The following EEA1 variants were observed in gnomAD, a reference collection of about 807,000 sequenced individuals.
EEA1 encodes the protein early endosome antigen 1, also known as early endosome antigen 1, 162kD.
Under a neutral mutation model 209.2 loss-of-function variants are expected in EEA1, and 111 were observed. That is an observed-to-expected ratio of 0.53 (90% CI 0.45 to 0.62). The LOEUF is 0.62. Among genes scored for constraint, EEA1 ranks in the 20% least tolerant of loss-of-function variants. The pLI is 0.00. For missense variants in EEA1, 1,343 were observed against 1,530.8 expected, an observed-to-expected ratio of 0.88 and a Z score of 2.05; for synonymous variants, 536 against 540.6, an observed-to-expected ratio of 0.99 and a Z score of 0.12.
intron 5 of EEA1, among the ~76,000 whole-genome samples, chr12:92,855,451 A>T (rs919787719): frequency 5.4e-5 from 8 of 147,524 alleles, no homozygotes; most frequent in Non-Finnish European, 1.1e-4. Context: ...AAAAAAAAAA[A>T]TGCTATCAAA....
chr12:92,915,124 C>T (rs1441230822), intron 1 of EEA1, among the ~76,000 whole-genome samples: 2 of 152,022 alleles, frequency 1.3e-5, no homozygotes. Context: ...TAAATAGACA[C>T]ATATTATTAT....
chr12:92,821,944 T>C (rs1310354353), intron 13 of EEA1, among the ~76,000 whole-genome samples: 1 of 150,468 alleles, frequency 6.6e-6, no homozygotes, highest in Non-Finnish European at 1.5e-5. Context: ...TTTCTAATGC[T>C]CTAAACTCAT....
intron 22 of EEA1, among the ~76,000 whole-genome samples, chr12:92,787,604 G>A (rs1394773205): frequency 6.6e-6 from 1 of 151,958 alleles, no homozygotes; most frequent in Non-Finnish European, 1.5e-5. Flanking sequence ...CACACACAAA[G>A]ACAGCATAAT....
chr12:92,786,712 G>A (rs747955426), intron 22 of EEA1, among the ~76,000 whole-genome samples: 10 of 152,054 alleles, frequency 6.6e-5, no homozygotes. Flanking sequence ...GTCTATCCCA[G>A]GTCCAATCCA....
rs1009372234 is a variant in EEA1, at chr12:92,777,799, T to C, written c.3894-136A>G. 11 of 1,258,616 alleles carry C rather than the reference T, an allele frequency of 8.7e-6. No homozygotes were observed. The African/African-American group carries it at 1.5e-4, about 17-fold the overall frequency. 78.0% of individuals were successfully genotyped at this position (1,258,616 alleles called of 1,614,324 possible). On this transcript the variant is annotated intron_variant, in intron 26 of 28. Coordinates refer to ENST00000322349, the MANE Select transcript of EEA1 (RefSeq NM_003566.4). ...TTTGACTATCTGATTGTTTTACAGG[T>C]TAATTTTTAAATGGCTACTTAAATA...
At chr12:92,779,333 C>G (rs761894353) in intron 24 of EEA1, 33 bp from the exon 25 acceptor site, 10 of 1,547,548 alleles carry the variant, frequency 6.5e-6, no homozygotes, top group East Asian at 2.3e-5. Context: ...AATAAATCAT[C>G]CTTCATAGTA....
chr12:92,791,073 TGA>T (rs1874381368), intron 21 of EEA1, among the ~76,000 whole-genome samples: 1 of 152,214 alleles, frequency 6.6e-6, no homozygotes, highest in Admixed American at 6.5e-5. Context: ...GAGCAAATGC[TGA>T]GAGATTTTGT....
chr12:92,882,768 G>A (rs1023976320), intron 2 of EEA1, among the ~76,000 whole-genome samples: 1 of 152,174 alleles, frequency 6.6e-6, no homozygotes, highest in Non-Finnish European at 1.5e-5. Context: ...TTTTATGCCT[G>A]TGTGGTATTC....
intron 15 of EEA1, among the ~76,000 whole-genome samples, chr12:92,814,836 T>C (rs988860792): frequency 3.3e-5 from 5 of 152,152 alleles, no homozygotes. Flanking sequence ...TCAAAAGGTG[T>C]ATTATGGAAC....
chr12:92,928,603 G>A (rs943517446), intron 1 of EEA1, among the ~76,000 whole-genome samples: 5 of 152,166 alleles, frequency 3.3e-5, no homozygotes, highest in African/African-American at 7.2e-5. Context: ...AAATTGGGGG[G>A]CACGGGGAGT....
rs1875955703 is a variant in EEA1 at position 92,819,630 on chromosome 12, A to C, written c.1525-119T>G. On this transcript the variant is annotated intron_variant, in intron 13 of 28. Transcript: ENST00000322349. ...AATACTCAGTCTTACATTTTTTAAA[A>C]CTATTACATTTCAATATGGTAAATT... 10 of 640,836 alleles carry C rather than the reference A, an allele frequency of 1.6e-5. No homozygotes were observed. In the South Asian group the frequency reaches 3.0e-4, roughly 19 times the overall value. 39.7% of individuals were successfully genotyped at this position (640,836 alleles called of 1,614,324 possible).
Position 92,901,670 on chromosome 12 carries a change from C to T in EEA1, c.25-9949G>A, listed in dbSNP as rs142818330. ...GCAACCTCTGCCTCCCAGGTTCAGG[C>T]GATTCTCCTGCCTCAGCCTCCCAAG... On this transcript the variant is annotated intron_variant, in intron 1 of 28. Transcript: ENST00000322349. Among the ~76,000 whole-genome samples, 9 of 149,468 alleles carry T rather than the reference C, an allele frequency of 6.0e-5. No homozygotes were observed. The East Asian group carries it at 1.8e-3, about 30-fold the overall frequency.
At chr12:92,875,568 A>T (rs1338837923) in intron 2 of EEA1, among the ~76,000 whole-genome samples, 1 of 152,142 alleles carries the variant, frequency 6.6e-6, no homozygotes, top group Non-Finnish European at 1.5e-5. Context: ...TTGTACACAG[A>T]TCATTACAAC....
At chr12:92,905,441 TAC>T (rs10547901) in intron 1 of EEA1, 93,735 of 149,458 alleles carry the variant, frequency 0.63, 29,855 homozygotes, top group East Asian at 0.93. Context: ...CTACTAAAAA[TAC>T]ACACACACAC....
chr12:92,918,726 G>A (rs1220875298), intron 1 of EEA1, among the ~76,000 whole-genome samples: 2 of 100,800 alleles, frequency 2.0e-5, no homozygotes, highest in Admixed American at 1.8e-4. Flanking sequence ...GCTAGCAGAA[G>A]GCAAGAAATA....
chr12:92,929,153 A>C lies in EEA1; in HGVS notation c.-87T>G. The stretch of plus-strand genomic sequence containing the variant: ...TACTCGGGGTGCGCGGGCGGGAGGG[A>C]CTGGGCCGGGAGGGGACCGGGAAGG... On this transcript the variant is annotated 5_prime_UTR_variant, in exon 1 of 29. Transcript: ENST00000322349. 7.2e-7 allele frequency: 1 copy of C among 1,386,704 alleles called. No homozygotes were observed. The highest frequency in any genetic ancestry group is 9.9e-7 in the Non-Finnish European group (1 of 1,014,722). The allele number at this position is 1,386,704 out of a possible 1,614,324, so 85.9% of individuals were successfully genotyped here. A position where few individuals can be genotyped will look rare whatever the true frequency, so the allele number is the denominator to read the frequency against.
intron 2 of EEA1, among the ~76,000 whole-genome samples, chr12:92,872,772 G>A (rs1224460454): frequency 6.6e-6 from 1 of 152,144 alleles, no homozygotes; most frequent in African/African-American, 2.4e-5. Flanking sequence ...GGCCAACATG[G>A]TGAAACCCCA....
chr12:92,848,241 A>T (rs2136706287), intron 9 of EEA1, among the ~76,000 whole-genome samples: 1 of 152,026 alleles, frequency 6.6e-6, no homozygotes, highest in East Asian at 1.9e-4. Flanking sequence ...GAAAAAAAAA[A>T]AAAATCACCA....
At position 92,777,433 on chromosome 12, in the gene EEA1, T is replaced by G. The variant is rs368227293; in HGVS notation, c.4014+110A>C. 7.7e-6 allele frequency: 9 copies of G among 1,162,806 alleles called. No homozygotes were observed. The African/African-American group carries it at 1.1e-4, about 14-fold the overall frequency. The allele number at this position is 1,162,806 out of a possible 1,614,324, so 72.0% of individuals were successfully genotyped here. On this transcript the variant is annotated intron_variant, in intron 27 of 28. Transcript: ENST00000322349. ...ACAATACTGCTAAACAGAGAGTAGC[T>G]ATTTGAAAGTATTTATAAAACATGA...
Sources: allele counts gnomAD v4.1 joint callset (sites outside exome capture counted in the v4.1 genomes callset), GRCh38; gene constraint gnomAD v4.1.1; transcripts MANE v1.5; gene names NCBI Gene and HGNC (gene_info 2026-07-23, HGNC 2026-07-21).